FCRL5: variants seen among roughly 807,000 people sequenced by gnomAD.
FCRL5 encodes the protein Fc receptor-like protein 5.
FCRL5 carries 79 observed loss-of-function variants against 92.1 expected under a neutral mutation model. The observed-to-expected ratio is 0.86, with a 90% confidence interval of 0.72 to 1.03. FCRL5 has a LOEUF of 1.03. Ranked by LOEUF, FCRL5 falls within the 50% of genes least tolerant of loss-of-function variation. The probability of loss-of-function intolerance (pLI) is 0.00; values close to 1 mark genes in which losing one functional copy is unlikely to be tolerated. For missense variants in FCRL5, 1,160 were observed against 1,181.1 expected (o/e 0.98, Z 0.26); for synonymous variants, 466 against 469.3 (o/e 0.99, Z 0.09).
intron 6 of FCRL5, chr1:157,542,539 T>C (rs1003877899): frequency 2.1e-5 from 7 of 326,742 alleles, no homozygotes; most frequent in African/African-American, 1.0e-4. Flanking sequence ...GAGAATAATA[T>C]AGTGAATGAA....
At chr1:157,523,199 G>GTA (rs1416051041) in intron 10 of FCRL5, among the ~76,000 whole-genome samples, 2 of 152,164 alleles carry the variant, frequency 1.3e-5, no homozygotes, top group Non-Finnish European at 2.9e-5. Flanking sequence ...GAGCATCAGT[G>GTA]TATATTTTGC....
chr1:157,549,298 G>A (rs551329869), intron 2 of FCRL5, among the ~76,000 whole-genome samples: 1 of 107,556 alleles, frequency 9.3e-6, no homozygotes, highest in East Asian at 3.4e-4. Flanking sequence ...GGTGGGGGGA[G>A]GGGGGAGGGA....
At chr1:157,548,248 C>A (rs1044584015) in intron 2 of FCRL5, among the ~76,000 whole-genome samples, 1 of 152,190 alleles carries the variant, frequency 6.6e-6, no homozygotes, top group Non-Finnish European at 1.5e-5. Flanking sequence ...TTGGACGATG[C>A]CAAAAAACCA....
Position 157,544,514 on chromosome 1 carries a change from A to G in FCRL5, c.592T>C (p.Ser198Pro). 1 of 1,614,136 alleles carries G rather than the reference A, an allele frequency of 6.2e-7. No individual in the cohort carries two copies. The highest frequency in any genetic ancestry group is 8.5e-7 in the Non-Finnish European group (1 of 1,180,010). Reference sequence around the variant, plus strand: ...GGGTTCCCGCTGATGGGCTGGAAGGAGCTGGCTCTCAGCACTGGACGTGTA... The same window carrying G: ...GGGTTCCCGCTGATGGGCTGGAAGGGGCTGGCTCTCAGCACTGGACGTGTA... ...PFTRPVLRAS[S>P]FQPISGNPVT... Residue 198 changes from serine to proline, a missense_variant, in exon 5 of 17, where the codon TCC becomes CCC. Physicochemically the swap from Ser to Pro is moderately conservative, Grantham distance 74. Transcript: ENST00000361835.
chr1:157,515,856 G>A lies in FCRL5; in HGVS notation c.2830C>T (p.His944Tyr), dbSNP rs1649899092. ...KKHAVASDPRHLRNKGSPIIY... is the reference protein window; with the variant it reads ...KKHAVASDPRYLRNKGSPIIY... ...GGGAGACTCACCTTGTTCCTGAGAT[G>A]CCTGGGGTCAGAGGCCACTGTGGAA... Residue 944 changes from histidine (H) to tyrosine (Y), a missense_variant, in exon 16 of 17, where the codon CAT becomes TAT. Coordinates refer to ENST00000361835, the MANE Select transcript of FCRL5 (RefSeq NM_031281.3). The A allele has an allele frequency of 3.7e-6, 6 of 1,614,032 alleles. No individual in the cohort carries two copies. Among genetic ancestry groups the A allele is most frequent in the Non-Finnish European group, 4.2e-6 (5 of 1,180,022 alleles).
intron 1 of FCRL5, 58 bp downstream of exon 1, chr1:157,552,274 G>A: frequency 6.4e-7 from 1 of 1,556,154 alleles, no homozygotes; most frequent in Non-Finnish European, 8.9e-7. Context: ...CAGGCCTGCG[G>A]TGGAGAGAGA....
At chr1:157,529,718 G>GAAAACCAAACATA (rs1190832649) in intron 8 of FCRL5, among the ~76,000 whole-genome samples, 1 of 152,170 alleles carries the variant, frequency 6.6e-6, no homozygotes, top group Non-Finnish European at 1.5e-5. Flanking sequence ...CTCAGGAATG[G>GAAAACCAAACATA]AAAACCAAAC....
chr1:157,527,555 C>CTA, intron 9 of FCRL5, 62 bp downstream of exon 9: 1 of 1,469,600 alleles, frequency 6.8e-7, no homozygotes. Flanking sequence ...CTGATCTTGG[C>CTA]TACTGGTAAA....
chr1:157,534,252 AAT>A (rs1324733486), intron 8 of FCRL5: 1 of 651,728 alleles, frequency 1.5e-6, no homozygotes, highest in Non-Finnish European at 2.8e-6. Context: ...GGTCTTGACC[AAT>A]ATTTATCTAT....
chr1:157,548,246 T>G (rs555676145), intron 2 of FCRL5, among the ~76,000 whole-genome samples: 2 of 152,212 alleles, frequency 1.3e-5, no homozygotes, highest in African/African-American at 4.8e-5. Context: ...CCTTGGACGA[T>G]GCCAAAAAAC....
chr1:157,548,962 G>A lies in FCRL5; in HGVS notation c.52+598C>T, dbSNP rs142675943. ...ATATAACCAATGGACTACAAATCAT[G>A]CTGCTATAAAGGCACATGCACACGT... On this transcript the variant is annotated intron_variant, in intron 2 of 16. Coordinates refer to ENST00000361835, the MANE Select transcript of FCRL5 (RefSeq NM_031281.3). Among the ~76,000 whole-genome samples the A allele has an allele frequency of 5.5e-3, 844 of 152,196 alleles. 7 individuals carry two copies. The highest frequency in any genetic ancestry group is 0.018 in the African/African-American group (763 of 41,536).
At chr1:157,519,715 T>C (rs1056179585) in intron 13 of FCRL5, 28 bp downstream of exon 13, 8 of 1,610,452 alleles carry the variant, frequency 5.0e-6, no homozygotes, top group Non-Finnish European at 6.8e-6. Context: ...ATTTCACTAA[T>C]CACACAGGAA....
chr1:157,533,160 A>G (rs1222224636), intron 8 of FCRL5: 1 of 152,152 alleles, frequency 6.6e-6, no homozygotes, highest in African/African-American at 2.4e-5. Flanking sequence ...AACGTCATCA[A>G]CATATATGTT....
intron 12 of FCRL5, 113 bp from the exon 13 acceptor site, chr1:157,519,883 A>G: frequency 1.8e-6 from 2 of 1,114,500 alleles, no homozygotes; most frequent in African/African-American, 3.1e-5. Context: ...CTGAAGGTTG[A>G]ATCCTTCTTT....
At chr1:157,535,824 G>A (rs139354585) in intron 7 of FCRL5, among the ~76,000 whole-genome samples, 2 of 152,202 alleles carry the variant, frequency 1.3e-5, no homozygotes, top group African/African-American at 4.8e-5. Flanking sequence ...GAGGCCCCGA[G>A]TGGTTGAGTC....
At position 157,544,532 on chromosome 1, in the gene FCRL5, G is replaced by T; in HGVS notation, c.574C>A (p.Pro192Thr). 1.9e-6 allele frequency: 3 copies of T among 1,613,988 alleles called. No homozygotes were observed. Among genetic ancestry groups the T allele is most frequent in the Non-Finnish European group, 2.5e-6 (3 of 1,179,988 alleles). The part of the protein sequence containing the change: ...KIQVQEPFTR[P>T]VLRASSFQPI... The stretch of plus-strand genomic sequence containing the variant: ...TGGAAGGAGCTGGCTCTCAGCACTG[G>T]ACGTGTAAATGGCTCTAGAGAGAAG... The change falls in exon 5 of 17, where the codon CCA (proline) becomes ACA (threonine). Residue 192 changes from proline to threonine, a missense_variant. By Grantham distance (38) the Pro-to-Thr change is conservative (BLOSUM62 -1). Coordinates refer to ENST00000361835, the MANE Select transcript of FCRL5 (RefSeq NM_031281.3).
chr1:157,520,968 C>T (rs1427687645), intron 11 of FCRL5, 49 bp downstream of exon 11: 6 of 1,557,634 alleles, frequency 3.9e-6, no homozygotes, highest in Non-Finnish European at 5.2e-6. Context: ...AGAGGGTCCG[C>T]GGAGGAAACA....
At chr1:157,552,111 G>A (rs755105256) in intron 1 of FCRL5, among the ~76,000 whole-genome samples, 1 of 152,144 alleles carries the variant, frequency 6.6e-6, no homozygotes, top group African/African-American at 2.4e-5. Context: ...GGTTATTGTG[G>A]TTTCCTACTC....
Position 157,544,873 on chromosome 1 carries a change from A to G in FCRL5, c.517T>C (p.Cys173Arg). ...AYRCTGYKES[C>R]CPVSSNTVKI... ...ACTGTATTGGAAGAAACAGGGCAAC[A>G]ACTTTCCTTATATCCAGTACAGCGA... Residue 173 changes from cysteine (C) to arginine (R), a missense_variant, in exon 4 of 17, where the codon TGT (cysteine) becomes CGT (arginine). Transcript: ENST00000361835. 6.2e-7 allele frequency: 1 copy of G among 1,614,236 alleles called. No individual in the cohort carries two copies. Among genetic ancestry groups the G allele is most frequent in the Non-Finnish European group, 8.5e-7 (1 of 1,180,042 alleles).
Sources: gnomAD v4.1 joint callset for allele counts (sites outside exome capture counted in the v4.1 genomes callset) on GRCh38, gnomAD v4.1.1 for gene constraint, MANE v1.5 for transcripts, NCBI Gene and HGNC (gene_info 2026-07-23, HGNC 2026-07-21) for gene names.